The following YY1 variants were observed in gnomAD, a reference collection of about 807,000 sequenced individuals.
YY1 encodes transcriptional repressor protein YY1.
A neutral mutation model predicts 35.6 loss-of-function variants in YY1; 2 were observed. The ratio of observed to expected loss-of-function variants is 0.06; its 90% CI spans 0.02 to 0.18. The LOEUF is 0.18. Ranked by LOEUF, YY1 falls within the 10% of genes least tolerant of loss-of-function variation. The pLI is 1.00. For synonymous variants in YY1, 268 were observed against 238.9 expected, an observed-to-expected ratio of 1.12 and a Z score of -1.12; for missense variants, 322 against 573.4, an observed-to-expected ratio of 0.56 and a Z score of 4.48.
intron 2 of YY1, among the ~76,000 whole-genome samples, chr14:100,267,171 G>T (rs1393095500): frequency 6.6e-6 from 1 of 152,162 alleles, no homozygotes; most frequent in South Asian, 2.1e-4. Flanking sequence ...GGGTGAGGGA[G>T]TAGGGCAAAG....
At chr14:100,273,765 C>G (rs781355649) in intron 2 of YY1, among the ~76,000 whole-genome samples, 4 of 152,102 alleles carry the variant, frequency 2.6e-5, no homozygotes, top group Non-Finnish European at 4.4e-5. Flanking sequence ...AATTTATTCT[C>G]TAGTTTTTTT....
At chr14:100,240,040 A>T in intron 1 of YY1, 117 bp downstream of exon 1, 4 of 885,010 alleles carry the variant, frequency 4.5e-6, no homozygotes, top group Non-Finnish European at 5.9e-6. Flanking sequence ...GGCGGCCCCA[A>T]AAGATGGCGG....
intron 1 of YY1, among the ~76,000 whole-genome samples, chr14:100,261,194 T>G (rs1891082130): frequency 6.6e-6 from 1 of 152,086 alleles, no homozygotes; most frequent in Non-Finnish European, 1.5e-5. Flanking sequence ...TTTTATTTTT[T>G]GCTTTGTTTT....
chr14:100,268,487 G>A (rs1279631555), intron 2 of YY1, among the ~76,000 whole-genome samples: 2 of 152,160 alleles, frequency 1.3e-5, no homozygotes. Flanking sequence ...AATAAAGTTA[G>A]ACCTTTGAAA....
chr14:100,272,968 T>G (rs1355657283), intron 2 of YY1, among the ~76,000 whole-genome samples: 3 of 150,502 alleles, frequency 2.0e-5, no homozygotes, highest in Non-Finnish European at 3.0e-5. Flanking sequence ...TTTTTTTGTT[T>G]TTTTTTTTTT....
intron 1 of YY1, among the ~76,000 whole-genome samples, chr14:100,255,155 C>T (rs1001627283): frequency 2.0e-5 from 3 of 151,684 alleles, no homozygotes; most frequent in Middle Eastern, 6.3e-3. Context: ...TTGGAGAGTT[C>T]TAGTTATCTT....
chr14:100,257,685 A>C (rs981423686), intron 1 of YY1, among the ~76,000 whole-genome samples: 1 of 152,246 alleles, frequency 6.6e-6, no homozygotes, highest in Non-Finnish European at 1.5e-5. Flanking sequence ...GAACACCACC[A>C]TGCTGGCACC....
At chr14:100,257,246 C>G (rs866025582) in intron 1 of YY1, among the ~76,000 whole-genome samples, 5 of 152,224 alleles carry the variant, frequency 3.3e-5, no homozygotes, top group African/African-American at 9.6e-5. Context: ...ACTTCCCTCA[C>G]TAGACTGTAA....
intron 1 of YY1, among the ~76,000 whole-genome samples, chr14:100,246,981 T>C (rs1890842944): frequency 6.6e-6 from 1 of 152,180 alleles, no homozygotes; most frequent in Non-Finnish European, 1.5e-5. Context: ...CTCCAGGTTA[T>C]TAACCTTGCC....
At position 100,245,683 on chromosome 14, in the gene YY1, T is replaced by C. The variant is rs144897744; in HGVS notation, c.679+5760T>C. 2.9e-3 allele frequency among the ~76,000 whole-genome samples: 448 copies of C among 152,074 alleles called. 4 individuals carry two copies. Among genetic ancestry groups the C allele is most frequent in the African/African-American group, 9.9e-3 (412 of 41,488 alleles). On this transcript the variant is annotated intron_variant, in intron 1 of 4. Transcript: ENST00000262238. Reference sequence around the variant, plus strand: ...GTGCAGTGGCGCGATCTCGGCTCACTGCAAGCTCCACCTCCCGGGTTCACG... The same window carrying C: ...GTGCAGTGGCGCGATCTCGGCTCACCGCAAGCTCCACCTCCCGGGTTCACG...
At chr14:100,254,232 C>A (rs1278776609) in intron 1 of YY1, among the ~76,000 whole-genome samples, 1 of 152,122 alleles carries the variant, frequency 6.6e-6, no homozygotes, top group Non-Finnish European at 1.5e-5. Flanking sequence ...TCATAAATTT[C>A]TATTCTATTT....
chr14:100,239,824 G>A lies in YY1; in HGVS notation c.580G>A (p.Gly194Ser). The A allele has an allele frequency of 2.0e-6, 3 of 1,478,088 alleles. No homozygotes were observed. In the South Asian group the frequency reaches 4.1e-5, roughly 20 times the overall value. 91.6% of individuals were successfully genotyped at this position (1,478,088 alleles called of 1,614,324 possible). The change falls in exon 1 of 5, where the codon GGC (glycine) becomes AGC (serine). Residue 194 changes from glycine (G) to serine (S), a missense_variant. Around this residue, in one of 4 missense-constraint regions of YY1, gnomAD observed 152 missense variants for 167.1 expected, o/e 0.91. Transcript: ENST00000262238. ...SYLSGGAGAA[G>S]GGGADPGNKK... ...CCTCAGCGGCGGGGCCGGCGCGGCG[G>A]GCGGCGGCGGCGCCGACCCGGGCAA...
intron 1 of YY1, among the ~76,000 whole-genome samples, chr14:100,257,486 C>G (rs570787153): frequency 6.6e-6 from 1 of 152,078 alleles, no homozygotes; most frequent in Admixed American, 6.6e-5. Flanking sequence ...AATCTTAACC[C>G]CCAATGTGAT....
chr14:100,273,485 T>A (rs1326152860), intron 2 of YY1, among the ~76,000 whole-genome samples: 1 of 152,012 alleles, frequency 6.6e-6, no homozygotes, highest in Non-Finnish European at 1.5e-5. Context: ...TGTTTGTTCA[T>A]TTGTTTTTGA....
chr14:100,240,460 C>G (rs1223915886), intron 1 of YY1, among the ~76,000 whole-genome samples: 1 of 151,992 alleles, frequency 6.6e-6, no homozygotes. Flanking sequence ...CCCCGCCCGC[C>G]CCCAACTTCC....
chr14:100,269,123 A>T (rs1035561635), intron 2 of YY1, among the ~76,000 whole-genome samples: 2 of 152,134 alleles, frequency 1.3e-5, no homozygotes, highest in African/African-American at 4.8e-5. Flanking sequence ...TCCATATAAC[A>T]TGTACTGCGT....
intron 1 of YY1, among the ~76,000 whole-genome samples, chr14:100,251,158 A>G (rs537990433): frequency 2.6e-4 from 39 of 152,328 alleles, no homozygotes; most frequent in African/African-American, 8.7e-4. Flanking sequence ...TGATTAAACC[A>G]GGGCTCTTGG....
chr14:100,242,985 A>G (rs1460211587), intron 1 of YY1, among the ~76,000 whole-genome samples: 1 of 152,130 alleles, frequency 6.6e-6, no homozygotes, highest in Non-Finnish European at 1.5e-5. Flanking sequence ...AAGGGTAGTT[A>G]TAAATATTTG....
At chr14:100,274,378 G>A (rs1891290319) in intron 2 of YY1, among the ~76,000 whole-genome samples, 1 of 152,028 alleles carries the variant, frequency 6.6e-6, no homozygotes, top group Non-Finnish European at 1.5e-5. Context: ...TTTTTTAAAG[G>A]GTTTGGAGTT....
Sources: allele counts gnomAD v4.1 joint callset (sites outside exome capture counted in the v4.1 genomes callset), GRCh38; gene constraint gnomAD v4.1.1; regional missense constraint gnomAD v4.1.1; transcripts MANE v1.5; gene names NCBI Gene and HGNC (gene_info 2026-07-23, HGNC 2026-07-21).